Variants in GLYATL1 observed in about 807,000 individuals in gnomAD.
GLYATL1 encodes glycine N-acyltransferase-like protein 1.
In GLYATL1, 15 loss-of-function variants were observed where a neutral mutation model predicts 20.0. The ratio of observed to expected loss-of-function variants is 0.75; its 90% CI spans 0.50 to 1.15. The LOEUF (loss-of-function observed/expected upper bound fraction) is 1.15, where lower values mean the gene tolerates loss of function less well. GLYATL1 is among the 50% of genes most tolerant of loss of function. The probability of loss-of-function intolerance (pLI) is 0.00; values close to 1 mark genes in which losing one functional copy is unlikely to be tolerated. For missense variants in GLYATL1, 380 were observed against 368.5 expected, an observed-to-expected ratio of 1.03 and a Z score of -0.26; for synonymous variants, 151 against 131.5, an observed-to-expected ratio of 1.15 and a Z score of -1.01.
exon 2 of GLYATL1, chr11:58,908,489 G>T: frequency 4.8e-6 from 1 of 209,066 alleles, no homozygotes. Flanking sequence ...AAGACTGAAG[G>T]GAACAAGTCA....
chr11:58,916,624 C>A (rs1021081000), intron 1 of GLYATL1, among the ~76,000 whole-genome samples: 13 of 152,186 alleles, frequency 8.5e-5, no homozygotes, highest in Non-Finnish European at 1.2e-4. Context: ...CTGTCCTGGC[C>A]CTCAAGGAAT....
intron 1 of GLYATL1, chr11:58,905,687 A>C: frequency 3.3e-6 from 1 of 301,084 alleles, no homozygotes; most frequent in South Asian, 2.4e-5. Context: ...CTGTGGACCG[A>C]GTGGTTCGGG....
chr11:58,929,521 G>A lies in GLYATL1; in HGVS notation c.-212+1692G>A, dbSNP rs139510566. 2.4e-3 allele frequency among the ~76,000 whole-genome samples: 362 copies of A among 152,064 alleles called. 8 individuals carry two copies. In the South Asian group the frequency reaches 0.038, roughly 16 times the overall value. ...TTTCTTTTTTTGTAATGTTTCACCC[G>A]TATATTATAGAGCTAATTTTTCCCT... On this transcript the variant is annotated intron_variant, in intron 1 of 7. Transcript: ENST00000317391.
chr11:58,918,612 A>G (rs1354587481), intron 1 of GLYATL1, among the ~76,000 whole-genome samples: 1 of 152,212 alleles, frequency 6.6e-6, no homozygotes, highest in Non-Finnish European at 1.5e-5. Context: ...AATGGGCAGA[A>G]GAGGTGTTTT....
At chr11:58,955,096 C>CT in intron 5 of GLYATL1, 80 bp from the exon 6 acceptor site, 1 of 1,370,798 alleles carries the variant, frequency 7.3e-7, no homozygotes, top group Non-Finnish European at 1.0e-6. Flanking sequence ...CTACTAAGCA[C>CT]TGAGGTATTA....
chr11:58,953,390 G>GTTTTTTTTTTTTTTTTTTTTTTTTTCT (rs377318573), intron 4 of GLYATL1, among the ~76,000 whole-genome samples: 1 of 110,974 alleles, frequency 9.0e-6, no homozygotes, highest in Non-Finnish European at 1.9e-5. Context: ...CTTACAGTCT[G>GTTTTTTTTTTTTTTTTTTTTTTTTTCT]TTTTTTTTTT....
chr11:58,933,821 A>T (rs1002582987), intron 1 of GLYATL1: 28 of 152,358 alleles, frequency 1.8e-4, no homozygotes, highest in African/African-American at 6.7e-4. Context: ...CTGCAGGTGA[A>T]CTTGTTGCCA....
chr11:58,929,051 A>G (rs986952002), intron 1 of GLYATL1, among the ~76,000 whole-genome samples: 1 of 152,180 alleles, frequency 6.6e-6, no homozygotes, highest in Non-Finnish European at 1.5e-5. Context: ...CAACCTTTCA[A>G]AAAGGTTTGT....
At chr11:58,926,760 A>AG (rs911763141), upstream of GLYATL1, among the ~76,000 whole-genome samples, 2 of 152,268 alleles carry the variant, frequency 1.3e-5, no homozygotes, top group Non-Finnish European at 2.9e-5. Context: ...AAGTTTAAAA[A>AG]GAAAATCTGA....
intron 1 of GLYATL1, among the ~76,000 whole-genome samples, chr11:58,916,578 T>G (rs1855177732): frequency 6.6e-6 from 1 of 152,298 alleles, no homozygotes; most frequent in East Asian, 1.9e-4. Context: ...CAGTGCAATC[T>G]GGGACTGGCA....
At chr11:58,933,324 A>G (rs2135142702) in intron 1 of GLYATL1, among the ~76,000 whole-genome samples, 1 of 152,282 alleles carries the variant, frequency 6.6e-6, no homozygotes, top group African/African-American at 2.4e-5. Flanking sequence ...GATAAAAAGG[A>G]AATCACTATT....
intron 1 of GLYATL1, among the ~76,000 whole-genome samples, chr11:58,928,898 A>G (rs1855503858): frequency 1.3e-5 from 2 of 152,200 alleles, no homozygotes; most frequent in South Asian, 4.1e-4. Flanking sequence ...CATCTGTCTC[A>G]AAGGTTACTT....
Position 58,955,468 on chromosome 11 carries a change from G to T in GLYATL1, c.491+115G>T, listed in dbSNP as rs944883138. 4 of 1,356,446 alleles carry T rather than the reference G, an allele frequency of 2.9e-6. No individual in the cohort carries two copies. The South Asian group carries it at 5.7e-5, about 19-fold the overall frequency. 84.0% of individuals were successfully genotyped at this position (1,356,446 alleles called of 1,614,324 possible). ...GAATTCATTCCTTGGGATGAATAAA[G>T]GTTGTCAAAGTTCAAGATCCAAAAC... is the stretch of plus-strand genomic sequence containing the variant. On this transcript the variant is annotated intron_variant, in intron 6 of 6. Coordinates refer to ENST00000532726, the MANE Select transcript of GLYATL1 (RefSeq NM_001389712.2).
At chr11:58,935,454 C>T (rs1855791875), upstream of GLYATL1, 2 of 152,204 alleles carry the variant, frequency 1.3e-5, no homozygotes, top group South Asian at 4.1e-4. Flanking sequence ...TTCCTATGCT[C>T]TTCAATTAAT....
intron 1 of GLYATL1, among the ~76,000 whole-genome samples, chr11:58,942,849 G>C (rs909045968): frequency 1.3e-5 from 2 of 152,170 alleles, no homozygotes; most frequent in African/African-American, 2.4e-5. Context: ...AGGGTCCACA[G>C]AGGAGACTGA....
At chr11:58,908,558 T>A in exon 2 of GLYATL1, 1 of 201,118 alleles carries the variant, frequency 5.0e-6, no homozygotes, top group South Asian at 1.1e-4. Context: ...GCATATCTAC[T>A]TTTTTACAAC....
intron 1 of GLYATL1, among the ~76,000 whole-genome samples, chr11:58,929,617 T>TAG: frequency 6.6e-6 from 1 of 152,202 alleles, no homozygotes; most frequent in Non-Finnish European, 1.5e-5. Context: ...TTTCTAGGTC[T>TAG]GACAGGAACA....
chr11:58,948,922 C>A (rs1290606055), intron 4 of GLYATL1, among the ~76,000 whole-genome samples: 1 of 152,172 alleles, frequency 6.6e-6, no homozygotes, highest in Non-Finnish European at 1.5e-5. Context: ...TAACCATAGG[C>A]ACTTCTGTGA....
At chr11:58,914,854 A>G (rs1344706076) in intron 1 of GLYATL1, among the ~76,000 whole-genome samples, 1 of 152,178 alleles carries the variant, frequency 6.6e-6, no homozygotes, top group East Asian at 1.9e-4. Flanking sequence ...TAGGATATGT[A>G]CCTTCTGGTG....
Sources: gnomAD v4.1 joint callset for allele counts (sites outside exome capture counted in the v4.1 genomes callset) on GRCh38, gnomAD v4.1.1 for gene constraint, MANE v1.5 for transcripts, NCBI Gene and HGNC (gene_info 2026-07-23, HGNC 2026-07-21) for gene names.